Variants in SENP7 observed in about 807,000 individuals in gnomAD.
SENP7 encodes the protein sentrin-specific protease 7.
SENP7 carries 64 observed loss-of-function variants against 141.2 expected under a neutral mutation model. That is an observed-to-expected ratio of 0.45 (90% CI 0.37 to 0.56). SENP7 has a LOEUF of 0.56. Among genes scored for constraint, SENP7 ranks in the 20% least tolerant of loss-of-function variants. The probability of loss-of-function intolerance (pLI) is 0.00; values close to 1 mark genes in which losing one functional copy is unlikely to be tolerated. For synonymous variants in SENP7, 382 were observed against 426.4 expected, an observed-to-expected ratio of 0.90 and a Z score of 1.28; for missense variants, 1,025 against 1,212.2, an observed-to-expected ratio of 0.85 and a Z score of 2.29.
intron 2 of SENP7, among the ~76,000 whole-genome samples, chr3:101,499,333 G>GTAA (rs958830845): frequency 5.3e-5 from 8 of 152,114 alleles, no homozygotes; most frequent in African/African-American, 1.9e-4. Context: ...GTATTTCAAA[G>GTAA]TAGATATGAT....
chr3:101,391,783 A>G (rs2107546207), intron 6 of SENP7, among the ~76,000 whole-genome samples: 1 of 152,290 alleles, frequency 6.6e-6, no homozygotes, highest in South Asian at 2.1e-4. Flanking sequence ...AGGACATGAG[A>G]AAAAAAGTTC....
At chr3:101,479,678 T>C (rs560586514) in intron 3 of SENP7, among the ~76,000 whole-genome samples, 1 of 148,492 alleles carries the variant, frequency 6.7e-6, no homozygotes, top group South Asian at 2.1e-4. Flanking sequence ...ATCAAAAATG[T>C]AGTGATTATG....
At chr3:101,512,358 T>C (rs959151662) in intron 1 of SENP7, among the ~76,000 whole-genome samples, 1 of 152,232 alleles carries the variant, frequency 6.6e-6, no homozygotes, top group Admixed American at 6.5e-5. Flanking sequence ...CTCACGTTTT[T>C]ATAACTCCAC....
chr3:101,333,102 T>C, intron 17 of SENP7: 1 of 434,922 alleles, frequency 2.3e-6, no homozygotes, highest in Non-Finnish European at 3.9e-6. Context: ...ATTAAATGCT[T>C]TTCAGATTCC....
chr3:101,465,715 T>A (rs145864233), intron 3 of SENP7, among the ~76,000 whole-genome samples: 166 of 151,524 alleles, frequency 1.1e-3, no homozygotes, highest in Non-Finnish European at 1.6e-3. Context: ...ACACAGACAC[T>A]AACAAAAAGA....
At chr3:101,474,098 G>A (rs983277972) in intron 3 of SENP7, among the ~76,000 whole-genome samples, 3 of 152,130 alleles carry the variant, frequency 2.0e-5, no homozygotes, top group African/African-American at 2.4e-5. Flanking sequence ...CAGTGTGCCT[G>A]TAGCATAGCT....
At chr3:101,501,747 A>G (rs2065389985) in intron 1 of SENP7, among the ~76,000 whole-genome samples, 1 of 152,156 alleles carries the variant, frequency 6.6e-6, no homozygotes, top group Admixed American at 6.5e-5. Flanking sequence ...TAGGCAGTAC[A>G]GTATAGTGGG....
chr3:101,357,097 T>G (rs937990329), intron 11 of SENP7, among the ~76,000 whole-genome samples: 26 of 151,664 alleles, frequency 1.7e-4, no homozygotes, highest in Admixed American at 5.3e-4. Flanking sequence ...GCCTCCTGGG[T>G]TCAAGCAATT....
chr3:101,451,092 A>G (rs1017720253), intron 4 of SENP7, among the ~76,000 whole-genome samples: 4 of 152,254 alleles, frequency 2.6e-5, no homozygotes, highest in African/African-American at 7.2e-5. Context: ...AAACACCTCT[A>G]CGCGAATAAA....
At position 101,366,563 on chromosome 3, in the gene SENP7, C is replaced by T. The variant is rs778173759; in HGVS notation, c.1185G>A (p.Glu395=). 44 of 1,613,812 alleles carry T rather than the reference C, an allele frequency of 2.7e-5. No homozygotes were observed. The highest frequency in any genetic ancestry group is 3.6e-5 in the Non-Finnish European group (42 of 1,179,854). The change falls in exon 9 of 24, where the codon GAG becomes GAA. Residue 395 remains glutamate (E), a synonymous_variant. Transcript: ENST00000394095. ...CCACAATATCAATGGAATTAGAGTT[C>T]TCAACGGTTTCAGTGGTTGAACCGG... ...ASAGSTTETV[E]NSNSIDIVGI...
chr3:101,480,748 T>C (rs908069885), intron 3 of SENP7, among the ~76,000 whole-genome samples: 7 of 152,106 alleles, frequency 4.6e-5, no homozygotes, highest in Non-Finnish European at 8.8e-5. Context: ...AAGGGACTAA[T>C]ATCCAGAATA....
At chr3:101,427,761 T>C (rs1251285764) in intron 4 of SENP7, among the ~76,000 whole-genome samples, 1 of 152,150 alleles carries the variant, frequency 6.6e-6, no homozygotes, top group Non-Finnish European at 1.5e-5. Context: ...GTCTGTTACA[T>C]AGGTATACAT....
At chr3:101,470,007 A>G (rs2063921741) in intron 3 of SENP7, among the ~76,000 whole-genome samples, 1 of 152,176 alleles carries the variant, frequency 6.6e-6, no homozygotes. Context: ...AGGCAGAAAT[A>G]AAGATGTTCT....
intron 1 of SENP7, 128 bp from the exon 2 acceptor site, chr3:101,501,247 A>G (rs2065366579): frequency 3.2e-6 from 2 of 615,816 alleles, no homozygotes; most frequent in Non-Finnish European, 5.4e-6. Context: ...GAATTTACAC[A>G]TTTTACAGAA....
rs542430682 is a variant in SENP7 at position 101,476,569 on chromosome 3, G to A, written c.186+17304C>T. ...TGCCACAATAAACATACATGTGCATGTATCTTTATAGTAGAACCATTTATA... is the reference window on the plus strand; with the variant it reads ...TGCCACAATAAACATACATGTGCATATATCTTTATAGTAGAACCATTTATA... On this transcript the variant is annotated intron_variant, in intron 3 of 23. Transcript: ENST00000394095. Among the ~76,000 whole-genome samples, 10 of 152,270 alleles carry A rather than the reference G, an allele frequency of 6.6e-5. 1 individual carries two copies. The South Asian group carries it at 2.1e-3, about 32-fold the overall frequency.
At chr3:101,493,814 A>G (rs966885109) in intron 3 of SENP7, 59 bp downstream of exon 3, 1 of 1,019,392 alleles carries the variant, frequency 9.8e-7, no homozygotes, top group Non-Finnish European at 1.4e-6. Context: ...TTTTATTACA[A>G]TATTTTAAAC....
rs2064908160 is a variant in SENP7, at chr3:101,490,195, A to AG, written c.186+3677_186+3678insC. ...GGGGAAACTCCGTCTCAAAAAAAAA[A>AG]CAAACAAACAAACAAAAAAAAAAAG... On this transcript the variant is annotated intron_variant, in intron 3 of 23. Transcript: ENST00000394095. 2.0e-5 allele frequency among the ~76,000 whole-genome samples: 3 copies of AG among 152,034 alleles called. No individual in the cohort carries two copies. In the South Asian group the frequency reaches 6.2e-4, roughly 32 times the overall value.
At chr3:101,390,571 C>A (rs916137504) in intron 6 of SENP7, among the ~76,000 whole-genome samples, 4 of 152,070 alleles carry the variant, frequency 2.6e-5, no homozygotes, top group Admixed American at 2.0e-4. Context: ...AATATACATG[C>A]ACTTAATATT....
At chr3:101,427,144 G>A (rs1052712432) in intron 4 of SENP7, among the ~76,000 whole-genome samples, 1 of 152,024 alleles carries the variant, frequency 6.6e-6, no homozygotes, top group Non-Finnish European at 1.5e-5. Flanking sequence ...TATTCATCAC[G>A]ATCAAGCAGG....
Sources: gnomAD v4.1 joint callset for allele counts (sites outside exome capture counted in the v4.1 genomes callset) on GRCh38, gnomAD v4.1.1 for gene constraint, MANE v1.5 for transcripts, NCBI Gene and HGNC (gene_info 2026-07-23, HGNC 2026-07-21) for gene names.